SEMA3A: variants seen among roughly 807,000 people sequenced by gnomAD.
SEMA3A encodes the protein semaphorin-3A.
Under a neutral mutation model 97.9 loss-of-function variants are expected in SEMA3A, and 29 were observed. The observed-to-expected ratio is 0.30, with a 90% CI of 0.22 to 0.40. The LOEUF is 0.40. SEMA3A is among the 10% of genes least tolerant of loss of function. The pLI is 1.00. For synonymous variants in SEMA3A, 321 were observed against 323.7 expected (o/e 0.99, Z 0.09); for missense variants, 763 against 951.3 (o/e 0.80, Z 2.60).
At chr7:84,220,331 C>T (rs906208543) in intron 3 of SEMA3A, among the ~76,000 whole-genome samples, 5 of 152,164 alleles carry the variant, frequency 3.3e-5, no homozygotes, top group Non-Finnish European at 5.9e-5. Context: ...ATTTCCTCCA[C>T]TGAAGTCTTA....
intron 2 of SEMA3A, among the ~76,000 whole-genome samples, chr7:84,329,925 C>T (rs1801872516): frequency 6.6e-6 from 1 of 151,958 alleles, no homozygotes; most frequent in African/African-American, 2.4e-5. Flanking sequence ...TTCTGGCCAA[C>T]TTAGGGCTTG....
chr7:84,436,110 G>T (rs1454585459), intron 1 of SEMA3A, among the ~76,000 whole-genome samples: 1 of 152,052 alleles, frequency 6.6e-6, no homozygotes, highest in Non-Finnish European at 1.5e-5. Context: ...AATGGTGTTG[G>T]GATAACTGGC....
intron 1 of SEMA3A, among the ~76,000 whole-genome samples, chr7:84,409,121 G>A (rs944816171): frequency 4.7e-5 from 7 of 149,996 alleles, no homozygotes; most frequent in African/African-American, 1.5e-4. Flanking sequence ...AGGTTCTATT[G>A]TTTGACAGCA....
intron 15 of SEMA3A, among the ~76,000 whole-genome samples, chr7:83,971,699 A>T (rs969102152): frequency 6.6e-6 from 1 of 152,200 alleles, no homozygotes; most frequent in African/African-American, 2.4e-5. Context: ...ATGTGTGCTT[A>T]ACCCATTTAC....
At chr7:84,008,750 A>C (rs1287165556) in intron 9 of SEMA3A, among the ~76,000 whole-genome samples, 1 of 152,186 alleles carries the variant, frequency 6.6e-6, no homozygotes, top group Non-Finnish European at 1.5e-5. Flanking sequence ...TCATGAGGGA[A>C]GAGACCATGC....
At chr7:84,037,645 C>G (rs1011034933) in intron 6 of SEMA3A, among the ~76,000 whole-genome samples, 2 of 151,992 alleles carry the variant, frequency 1.3e-5, no homozygotes, top group Non-Finnish European at 2.9e-5. Flanking sequence ...AATCTTCAAG[C>G]AAAGTAATAA....
At chr7:84,382,851 C>G (rs571210834) in intron 1 of SEMA3A, among the ~76,000 whole-genome samples, 1 of 152,092 alleles carries the variant, frequency 6.6e-6, no homozygotes, top group East Asian at 1.9e-4. Context: ...GCACTCCAGC[C>G]TGGGTGACAG....
intron 1 of SEMA3A, among the ~76,000 whole-genome samples, chr7:84,424,622 A>AAATAT (rs1804717767): frequency 2.2e-5 from 1 of 46,446 alleles, no homozygotes. Context: ...AATATAATAT[A>AAATAT]TAATATATAT....
chr7:84,335,385 T>TA (rs1326677561), intron 2 of SEMA3A, among the ~76,000 whole-genome samples: 1 of 152,182 alleles, frequency 6.6e-6, no homozygotes, highest in Non-Finnish European at 1.5e-5. Context: ...AAAAAATATA[T>TA]TTTTACATTA....
intron 1 of SEMA3A, among the ~76,000 whole-genome samples, chr7:84,154,816 C>T (rs926171626): frequency 6.6e-6 from 1 of 151,264 alleles, no homozygotes; most frequent in African/African-American, 2.4e-5. Flanking sequence ...CCTAGAATTT[C>T]AGTCATATGC....
At chr7:84,002,121 G>T in intron 11 of SEMA3A, 75 bp from the exon 12 acceptor site, 1 of 814,812 alleles carries the variant, frequency 1.2e-6, no homozygotes, top group Non-Finnish European at 2.0e-6. Context: ...AATGAAATAT[G>T]TATTTGTCAG....
intron 2 of SEMA3A, among the ~76,000 whole-genome samples, chr7:84,321,134 C>G (rs1801632368): frequency 6.6e-6 from 1 of 152,126 alleles, no homozygotes; most frequent in Non-Finnish European, 1.5e-5. Flanking sequence ...GATTTGGACA[C>G]AATGTATGGA....
intron 4 of SEMA3A, among the ~76,000 whole-genome samples, chr7:84,095,358 C>CACATATATACACATATATATATAT (rs1211794166): frequency 8.1e-6 from 1 of 122,904 alleles, no homozygotes; most frequent in East Asian, 2.2e-4. Flanking sequence ...TTTTTATATA[C>CACATATATACACATATATATATAT]ATATATATAT....
At chr7:84,325,282 T>C (rs1255004115) in intron 2 of SEMA3A, among the ~76,000 whole-genome samples, 4 of 151,958 alleles carry the variant, frequency 2.6e-5, no homozygotes, top group African/African-American at 7.2e-5. Context: ...TGAAAAGAAA[T>C]AGACAATCAA....
intron 4 of SEMA3A, among the ~76,000 whole-genome samples, chr7:84,068,173 A>G (rs980031456): frequency 2.1e-5 from 3 of 144,442 alleles, no homozygotes; most frequent in Non-Finnish European, 3.0e-5. Context: ...TATCGCAAGA[A>G]CAAAAAACCA....
At chr7:84,108,108 T>C (rs1045864203) in intron 4 of SEMA3A, among the ~76,000 whole-genome samples, 1 of 152,212 alleles carries the variant, frequency 6.6e-6, no homozygotes, top group African/African-American at 2.4e-5. Flanking sequence ...CTAATATTAA[T>C]TGACTTTTTT....
At chr7:84,161,300 G>A (rs6975522) in intron 1 of SEMA3A, among the ~76,000 whole-genome samples, 9,532 of 151,734 alleles carry the variant, frequency 0.063, 651 homozygotes, top group African/African-American at 0.17. Flanking sequence ...GGAGGTGGAG[G>A]TTGCAGTTAG....
chr7:84,033,424 G>GA (rs1791828577), intron 6 of SEMA3A, among the ~76,000 whole-genome samples: 1 of 152,072 alleles, frequency 6.6e-6, no homozygotes, highest in South Asian at 2.1e-4. Flanking sequence ...ATTGTTGCTT[G>GA]AAAATCCAAC....
chr7:84,270,163 A>G lies in SEMA3A; in HGVS notation c.-83+37044T>C, dbSNP rs112500262. ...GCTAATCTGGTAGGCCATGAGAGCC[A>G]GAGTGGCACTACATTTTGCTTTATT... On this transcript the variant is annotated intron_variant, in intron 3 of 3. Coordinates refer to the SEMA3A transcript ENST00000424555. 3.3e-5 allele frequency among the ~76,000 whole-genome samples: 5 copies of G among 152,226 alleles called. 1 individual carries two copies. Among genetic ancestry groups the G allele is most frequent in the African/African-American group, 1.2e-4 (5 of 41,566 alleles).
Sources: gnomAD v4.1 joint callset for allele counts (sites outside exome capture counted in the v4.1 genomes callset) on GRCh38, gnomAD v4.1.1 for gene constraint, MANE v1.5 for transcripts, NCBI Gene and HGNC (gene_info 2026-07-23, HGNC 2026-07-21) for gene names.